The following MCCC2 variants were observed in gnomAD, a reference collection of about 807,000 sequenced individuals.
MCCC2 encodes methylcrotonoyl-CoA carboxylase beta chain, mitochondrial.
MCCC2 carries 52 observed loss-of-function variants against 77.2 expected under a neutral mutation model. The ratio of observed to expected loss-of-function variants is 0.67; its 90% CI spans 0.54 to 0.85. MCCC2 has a LOEUF of 0.85. Among genes scored for constraint, MCCC2 ranks in the 40% least tolerant of loss-of-function variants. MCCC2 has a pLI of 0.00. For missense variants in MCCC2, 682 were observed against 703.2 expected, an observed-to-expected ratio of 0.97 and a Z score of 0.34; for synonymous variants, 253 against 248.4, an observed-to-expected ratio of 1.02 and a Z score of -0.18.
At chr5:71,612,079 C>T (rs879599396) in intron 6 of MCCC2, among the ~76,000 whole-genome samples, 4 of 152,190 alleles carry the variant, frequency 2.6e-5, no homozygotes, top group Non-Finnish European at 5.9e-5. Context: ...GCTGGGATAA[C>T]AGGCATGAGC....
At chr5:71,622,339 A>G (rs868340960) in intron 6 of MCCC2, among the ~76,000 whole-genome samples, 6 of 151,972 alleles carry the variant, frequency 3.9e-5, no homozygotes, top group African/African-American at 1.5e-4. Context: ...CCCAAAAATT[A>G]AAAATAAAAA....
rs781610298 is a variant in MCCC2, at chr5:71,626,690, C to A, written c.675C>A (p.Ala225=). Residue 225 remains alanine, a synonymous_variant, in exon 7 of 17, where the codon GCC becomes GCA. Coordinates refer to ENST00000340941, the MANE Select transcript of MCCC2 (RefSeq NM_022132.5). ...SCTAGGAYVP[A]MADENIIVRK... ...CCGCAGGAGGAGCCTATGTGCCTGCCATGGCTGATGAAAACATCATTGTAC... is the reference window on the plus strand; with the variant it reads ...CCGCAGGAGGAGCCTATGTGCCTGCAATGGCTGATGAAAACATCATTGTAC... The A allele has an allele frequency of 1.1e-5, 17 of 1,613,940 alleles. No individual in the cohort carries two copies. The highest frequency in any genetic ancestry group is 1.4e-5 in the Non-Finnish European group (17 of 1,180,038).
At chr5:71,628,971 C>T (rs1222987276) in intron 7 of MCCC2, among the ~76,000 whole-genome samples, 1 of 151,990 alleles carries the variant, frequency 6.6e-6, no homozygotes, top group Non-Finnish European at 1.5e-5. Flanking sequence ...TTTGGGAGGC[C>T]AAGGTGGGTG....
At chr5:71,626,611 C>T (rs1746533045) in intron 6 of MCCC2, 29 bp from the exon 7 acceptor site, 5 of 1,551,782 alleles carry the variant, frequency 3.2e-6, no homozygotes, top group Admixed American at 1.7e-5. Context: ...AGCTGCATCT[C>T]ATGTGTTTGT....
At chr5:71,639,651 T>C (rs1312350745) in intron 10 of MCCC2, among the ~76,000 whole-genome samples, 1 of 152,228 alleles carries the variant, frequency 6.6e-6, no homozygotes, top group Non-Finnish European at 1.5e-5. Context: ...TGTGGCCTGG[T>C]GGTGTTAATT....
chr5:71,598,934 T>C (rs1164532643), intron 3 of MCCC2, among the ~76,000 whole-genome samples: 2 of 151,940 alleles, frequency 1.3e-5, no homozygotes, highest in African/African-American at 2.4e-5. Flanking sequence ...AAATTTTTTT[T>C]TTTTTGTAAA....
At chr5:71,618,268 G>T (rs1454036796) in intron 6 of MCCC2, among the ~76,000 whole-genome samples, 1 of 152,146 alleles carries the variant, frequency 6.6e-6, no homozygotes, top group African/African-American at 2.4e-5. Flanking sequence ...GGTCATGAGA[G>T]CTCTGCCCTC....
At chr5:71,634,525 A>G (rs900492565) in intron 8 of MCCC2, among the ~76,000 whole-genome samples, 4 of 152,234 alleles carry the variant, frequency 2.6e-5, no homozygotes, top group African/African-American at 9.6e-5. Context: ...GTAACCAACT[A>G]CATCATGAAA....
At chr5:71,626,856 A>G (rs1746545043) in intron 7 of MCCC2, 103 bp downstream of exon 7, 1 of 1,079,528 alleles carries the variant, frequency 9.3e-7, no homozygotes, top group Non-Finnish European at 1.4e-6. Flanking sequence ...GTGATAAAAT[A>G]TGCATAACAT....
At chr5:71,608,988 G>A (rs1745804473) in intron 6 of MCCC2, among the ~76,000 whole-genome samples, 1 of 151,934 alleles carries the variant, frequency 6.6e-6, no homozygotes, top group Non-Finnish European at 1.5e-5. Flanking sequence ...TTTCTCTCTG[G>A]CTGCCCTTAA....
chr5:71,587,631 C>A, intron 1 of MCCC2, 77 bp downstream of exon 1: 3 of 1,499,102 alleles, frequency 2.0e-6, no homozygotes, highest in Non-Finnish European at 2.7e-6. Context: ...GCTTCAACAA[C>A]TGCTGCTCTC....
chr5:71,643,208 C>T (rs1378098706), intron 11 of MCCC2, among the ~76,000 whole-genome samples: 1 of 152,052 alleles, frequency 6.6e-6, no homozygotes, highest in Non-Finnish European at 1.5e-5. Flanking sequence ...ATAGCGAAAC[C>T]CCATCTCTAC....
chr5:71,649,179 A>G lies in MCCC2; in HGVS notation c.1299A>G (p.Gln433=), dbSNP rs930487233. The G allele has an allele frequency of 2.5e-6, 4 of 1,614,238 alleles. No individual in the cohort carries two copies. The highest frequency in any genetic ancestry group is 3.4e-6 in the Non-Finnish European group (4 of 1,180,024). Reference sequence around the variant, plus strand: ...TGGTGGCCGCTGTGGCCTGTGCCCAAGTGCCTAAGATAACCCTCATCATTG... The same window carrying G: ...TGGTGGCCGCTGTGGCCTGTGCCCAGGTGCCTAAGATAACCCTCATCATTG... ...AKMVAAVACA[Q]VPKITLIIGG... Residue 433 remains glutamine, a synonymous_variant, in exon 14 of 17, where the codon CAA becomes CAG. Coordinates refer to ENST00000340941, the MANE Select transcript of MCCC2 (RefSeq NM_022132.5).
chr5:71,640,712 C>T (rs146109706), intron 10 of MCCC2, among the ~76,000 whole-genome samples: 1 of 152,218 alleles, frequency 6.6e-6, no homozygotes, highest in Non-Finnish European at 1.5e-5. Flanking sequence ...CCGGTACATT[C>T]GAACAGTCCT....
At chr5:71,639,695 G>T (rs1300359794) in intron 10 of MCCC2, among the ~76,000 whole-genome samples, 1 of 152,274 alleles carries the variant, frequency 6.6e-6, no homozygotes, top group African/African-American at 2.4e-5. Context: ...TTCACTAAAT[G>T]GTCCTAAATT....
chr5:71,602,826 G>C (rs1218492398), intron 5 of MCCC2, 193 bp downstream of exon 5: 1 of 728,796 alleles, frequency 1.4e-6, no homozygotes, highest in Non-Finnish European at 2.2e-6. Context: ...TAGTACTAGT[G>C]CATAATACTC....
At position 71,599,649 on chromosome 5, in the gene MCCC2, T is replaced by C. The variant is rs1359841972; in HGVS notation, c.282-10T>C. The C allele has an allele frequency of 6.2e-7, 1 of 1,605,058 alleles. No homozygotes were observed. The highest frequency in any genetic ancestry group is 1.7e-5 in the Admixed American group (1 of 60,012). ...ACATTAATTCAAACAACATCCTTTCTTCGCTTTAGGTCTCCATTTCTGGAA... is the reference window on the plus strand; with the variant it reads ...ACATTAATTCAAACAACATCCTTTCCTCGCTTTAGGTCTCCATTTCTGGAA... On this transcript the variant is annotated splice_polypyrimidine_tract_variant and intron_variant, in intron 3 of 16. Coordinates refer to ENST00000340941, the MANE Select transcript of MCCC2 (RefSeq NM_022132.5).
chr5:71,652,627 T>C (rs1747466215), intron 15 of MCCC2, 42 bp from the exon 16 acceptor site: 1 of 1,484,122 alleles, frequency 6.7e-7, no homozygotes, highest in Non-Finnish European at 9.4e-7. Context: ...CAGGGCCAGT[T>C]GTTCACTGAA....
At chr5:71,624,386 CT>C (rs1040103128) in intron 6 of MCCC2, among the ~76,000 whole-genome samples, 26 of 151,272 alleles carry the variant, frequency 1.7e-4, no homozygotes, top group African/African-American at 5.8e-4. Context: ...TTTTCTTTTT[CT>C]TTTTTTTTGA....
Sources: gnomAD v4.1 joint callset for allele counts (sites outside exome capture counted in the v4.1 genomes callset) on GRCh38, gnomAD v4.1.1 for gene constraint, MANE v1.5 for transcripts, NCBI Gene and HGNC (gene_info 2026-07-23, HGNC 2026-07-21) for gene names.